NAALADL2: variants seen among roughly 807,000 people sequenced by gnomAD.
NAALADL2 encodes N-acetylated alpha-linked acidic dipeptidase like 2.
NAALADL2 carries 76 observed loss-of-function variants against 87.2 expected under a neutral mutation model. That is an observed-to-expected ratio of 0.87 (90% confidence interval 0.72 to 1.05). The LOEUF is 1.05. Ranked by LOEUF, NAALADL2 falls within the 50% of genes least tolerant of loss-of-function variation. The probability of loss-of-function intolerance (pLI) is 0.00; values close to 1 mark genes in which losing one functional copy is unlikely to be tolerated. For synonymous variants in NAALADL2, 354 were observed against 331.0 expected (o/e 1.07, Z -0.75); for missense variants, 1,089 against 945.8 (o/e 1.15, Z -1.99).
intron 1 of NAALADL2, among the ~76,000 whole-genome samples, chr3:174,464,669 A>T (rs1352043970): frequency 2.0e-5 from 3 of 152,002 alleles, no homozygotes; most frequent in Non-Finnish European, 4.4e-5. Context: ...CATTAAAATT[A>T]ATTAAAACTA....
intron 1 of NAALADL2, 43 bp from the exon 2 acceptor site, chr3:175,096,747 T>C: frequency 7.8e-7 from 1 of 1,280,232 alleles, no homozygotes; most frequent in Non-Finnish European, 1.0e-6. Flanking sequence ...TTTTTTTAAT[T>C]GTGTGTTTAT....
At chr3:175,123,576 T>A (rs1224264731) in intron 2 of NAALADL2, among the ~76,000 whole-genome samples, 1 of 151,966 alleles carries the variant, frequency 6.6e-6, no homozygotes, top group East Asian at 1.9e-4. Context: ...CTTTCTACTG[T>A]GCCTCCAGCT....
intron 9 of NAALADL2, among the ~76,000 whole-genome samples, chr3:175,551,027 T>A (rs1714257393): frequency 6.6e-6 from 1 of 152,186 alleles, no homozygotes; most frequent in African/African-American, 2.4e-5. Context: ...AAAGCATTTT[T>A]TATCAAAATC....
At chr3:174,937,957 A>G (rs998585659) in intron 1 of NAALADL2, among the ~76,000 whole-genome samples, 1 of 151,962 alleles carries the variant, frequency 6.6e-6, no homozygotes, top group Non-Finnish European at 1.5e-5. Context: ...AAAGTTCACT[A>G]TTTGTTAAAG....
At chr3:175,124,887 A>C (rs1309937657) in intron 2 of NAALADL2, among the ~76,000 whole-genome samples, 1 of 152,042 alleles carries the variant, frequency 6.6e-6, no homozygotes, top group Admixed American at 6.6e-5. Context: ...TTCAATAGGC[A>C]GAAATGGGGA....
At chr3:174,926,576 C>T (rs1320454976) in intron 1 of NAALADL2, among the ~76,000 whole-genome samples, 3 of 152,074 alleles carry the variant, frequency 2.0e-5, no homozygotes, top group Non-Finnish European at 4.4e-5. Context: ...AAAGAATTTT[C>T]AACCCAGAAT....
At chr3:175,167,288 G>A (rs1031205069) in intron 2 of NAALADL2, among the ~76,000 whole-genome samples, 3 of 152,076 alleles carry the variant, frequency 2.0e-5, no homozygotes, top group Non-Finnish European at 4.4e-5. Context: ...TTAAACTCCT[G>A]CCATGCTACA....
chr3:175,468,297 C>T (rs1015447741), intron 8 of NAALADL2, among the ~76,000 whole-genome samples: 2 of 151,924 alleles, frequency 1.3e-5, no homozygotes, highest in African/African-American at 4.8e-5. Context: ...AATGTTTGGG[C>T]CATATTCAAA....
chr3:175,646,827 A>C (rs551997062), intron 11 of NAALADL2, among the ~76,000 whole-genome samples: 1 of 152,172 alleles, frequency 6.6e-6, no homozygotes, highest in South Asian at 2.1e-4. Context: ...TGTTTTCAGA[A>C]AATCATAGCT....
intron 10 of NAALADL2, among the ~76,000 whole-genome samples, chr3:175,600,790 G>A (rs1046657297): frequency 2.6e-5 from 4 of 151,998 alleles, no homozygotes; most frequent in African/African-American, 9.7e-5. Flanking sequence ...GCCCGCCTCG[G>A]CCTCCCAAAG....
chr3:175,384,793 TTTTAA>T (rs1296556965), intron 5 of NAALADL2, among the ~76,000 whole-genome samples: 2 of 150,306 alleles, frequency 1.3e-5, no homozygotes, highest in African/African-American at 4.8e-5. Context: ...CTTAATTTAT[TTTTAA>T]TTTATTTTAT....
intron 1 of NAALADL2, among the ~76,000 whole-genome samples, chr3:175,055,487 A>T (rs774592372): frequency 2.6e-5 from 4 of 152,174 alleles, no homozygotes; most frequent in African/African-American, 4.8e-5. Context: ...GTACAGCATA[A>T]ATCTACTGCA....
intron 2 of NAALADL2, among the ~76,000 whole-genome samples, chr3:174,648,540 A>G (rs902448843): frequency 3.3e-5 from 5 of 152,150 alleles, no homozygotes; most frequent in African/African-American, 9.7e-5. Context: ...TCTTCCTTAT[A>G]TAGACAACCC....
rs1047881521 is a variant in NAALADL2 at position 174,918,490 on chromosome 3, TA to T, written c.43+59042del. Among the ~76,000 whole-genome samples the T allele has an allele frequency of 1.7e-4, 26 of 152,210 alleles. 1 individual carries two copies. The highest frequency in any genetic ancestry group is 1.6e-3 in the Admixed American group (25 of 15,276). ...ACTGCTCACTAGCCTGCAGCTCAGCTAAGCTCACTTGTGCATCTGTACTCAG... is the reference window on the plus strand; with the variant it reads ...ACTGCTCACTAGCCTGCAGCTCAGCTAGCTCACTTGTGCATCTGTACTCAG... On this transcript the variant is annotated intron_variant, in intron 1 of 13. Transcript: ENST00000454872.
chr3:174,723,127 G>A lies in NAALADL2; in HGVS notation c.-114-14514G>A, dbSNP rs561568913. On this transcript the variant is annotated intron_variant, in intron 2 of 3. Coordinates refer to the NAALADL2 transcript ENST00000434257. The stretch of plus-strand genomic sequence containing the variant: ...CTGAATCATTATCTTCTGATTTTAT[G>A]TTAAGTGGACTGAGGGAAATTGAAT... Among the ~76,000 whole-genome samples, 3 of 152,258 alleles carry A rather than the reference G, an allele frequency of 2.0e-5. No individual in the cohort carries two copies. In the East Asian group the frequency reaches 5.8e-4, roughly 29 times the overall value.
At chr3:175,656,741 G>A (rs1368576407) in intron 11 of NAALADL2, among the ~76,000 whole-genome samples, 5 of 149,588 alleles carry the variant, frequency 3.3e-5, no homozygotes, top group African/African-American at 4.9e-5. Context: ...GTGTGTGTAT[G>A]TGTGTGTGTG....
At chr3:175,525,533 C>T (rs1311726010) in intron 9 of NAALADL2, among the ~76,000 whole-genome samples, 1 of 151,988 alleles carries the variant, frequency 6.6e-6, no homozygotes, top group Non-Finnish European at 1.5e-5. Context: ...TAGGCTTTCT[C>T]AAATCTAGTT....
At chr3:175,225,498 A>T (rs1581006338) in intron 2 of NAALADL2, among the ~76,000 whole-genome samples, 1 of 152,228 alleles carries the variant, frequency 6.6e-6, no homozygotes, top group East Asian at 1.9e-4. Flanking sequence ...TTACTGAAAG[A>T]GATTAATAAT....
intron 9 of NAALADL2, among the ~76,000 whole-genome samples, chr3:175,546,082 G>A (rs999432350): frequency 2.0e-5 from 3 of 152,120 alleles, no homozygotes; most frequent in African/African-American, 7.2e-5. Context: ...AGTGGAAACT[G>A]GTAGACTAAA....
Sources: gnomAD v4.1 joint callset for allele counts (sites outside exome capture counted in the v4.1 genomes callset) on GRCh38, gnomAD v4.1.1 for gene constraint, MANE v1.5 for transcripts, NCBI Gene and HGNC (gene_info 2026-07-23, HGNC 2026-07-21) for gene names.